Variants in LIG4 observed in about 807,000 individuals in gnomAD.
LIG4 encodes the protein DNA joinase.
LIG4 carries 13 observed loss-of-function variants against 19.0 expected under a neutral mutation model. The observed-to-expected ratio is 0.68, with a 90% confidence interval of 0.44 to 1.09. The LOEUF is 1.09. LIG4 is among the 50% of genes least tolerant of loss of function. LIG4 has a pLI of 0.00. For missense variants in LIG4, 1,026 were observed against 1,089.7 expected, an observed-to-expected ratio of 0.94 and a Z score of 0.82; for synonymous variants, 361 against 358.2, an observed-to-expected ratio of 1.01 and a Z score of -0.09.
At chr13:108,213,101 C>T (rs770785100) in intron 2 of LIG4, among the ~76,000 whole-genome samples, 5 of 151,926 alleles carry the variant, frequency 3.3e-5, no homozygotes, top group Admixed American at 6.5e-5. Context: ...TGGGTTAGAT[C>T]GAGGGATAAA....
At position 108,210,918 on chromosome 13, in the gene LIG4, T is replaced by G. The variant is rs1474493240; in HGVS notation, c.351A>C (p.Gly117=). The G allele has an allele frequency of 6.2e-7, 1 of 1,613,930 alleles. No homozygotes were observed. Among genetic ancestry groups the G allele is most frequent in the Non-Finnish European group, 8.5e-7 (1 of 1,179,978 alleles). ...CAAAGTCTCCAGCATCTCCATGAGT[T>G]CCAGTGGGTGTTCTGTAGTTTAAAA... ...LKLLNYRTPT[G]THGDAGDFAM... is the part of the protein sequence containing the mutation. Residue 117 remains glycine, a synonymous_variant, in exon 3 of 3, where the codon GGA becomes GGC. Coordinates refer to ENST00000442234, the MANE Select transcript of LIG4 (RefSeq NM_206937.2).
chr13:108,211,099 T>G lies in LIG4; in HGVS notation c.170A>C (p.His57Pro). 6.2e-7 allele frequency: 1 copy of G among 1,609,666 alleles called. No homozygotes were observed. Among genetic ancestry groups the G allele is most frequent in the Admixed American group, 1.7e-5 (1 of 59,668 alleles). The change falls in exon 3 of 3, where the codon CAC becomes CCC. Residue 57 changes from histidine (H) to proline (P), a missense_variant. Physicochemically the swap from His to Pro is moderately conservative, Grantham distance 77. Coordinates refer to ENST00000442234, the MANE Select transcript of LIG4 (RefSeq NM_206937.2). Reference protein sequence around the residue: ...RKFHDALHKNHKDVTDSFYPA... With the variant: ...RKFHDALHKNPKDVTDSFYPA... ...ATAAAAAGAGTCTGTGACATCTTTG[T>G]GGTTCTTATGAAGAGCATCATGAAA... is the stretch of plus-strand genomic sequence containing the variant.
chr13:108,211,295 A>T lies in LIG4; in HGVS notation c.-27T>A. ...AAAGCGGTGATGAATCTTCTCGTTT[A>T]ACTAGTAAAGCAAAAAGAGAATAAC... On this transcript the variant is annotated splice_region_variant and 5_prime_UTR_variant, in exon 3 of 3. Coordinates refer to ENST00000442234, the MANE Select transcript of LIG4 (RefSeq NM_206937.2). 6.6e-7 allele frequency: 1 copy of T among 1,520,930 alleles called. No individual in the cohort carries two copies. Among genetic ancestry groups the T allele is most frequent in the Non-Finnish European group, 9.1e-7 (1 of 1,098,822 alleles). 94.2% of individuals were successfully genotyped at this position (1,520,930 alleles called of 1,614,324 possible).
Position 108,211,265 on chromosome 13 carries a change from C to G in LIG4, c.4G>C (p.Ala2Pro), listed in dbSNP as rs1250121630. The change falls in exon 3 of 3, where the codon GCT (alanine) becomes CCT (proline). Residue 2 changes from alanine (A) to proline (P), a missense_variant. Around this residue, in one of 3 missense-constraint regions of LIG4, gnomAD observed 493 missense variants for 544.5 expected, o/e 0.91. Coordinates refer to ENST00000442234, the MANE Select transcript of LIG4 (RefSeq NM_206937.2). ...ACAGTTTGTGAAGTTTGTGAGGCAG[C>G]CATCAAAGCGGTGATGAATCTTCTC... M[A>P]ASQTSQTVAS... 1 of 1,610,236 alleles carries G rather than the reference C, an allele frequency of 6.2e-7. No homozygotes were observed. The highest frequency in any genetic ancestry group is 8.5e-7 in the Non-Finnish European group (1 of 1,178,394).
chr13:108,216,111 T>C (rs977421116), upstream of LIG4, among the ~76,000 whole-genome samples: 2 of 152,170 alleles, frequency 1.3e-5, no homozygotes, highest in African/African-American at 2.4e-5. Context: ...TATGGACTCT[T>C]CTAGTATCTG....
At chr13:108,216,909 G>GT (rs112966004), upstream of LIG4, among the ~76,000 whole-genome samples, 8 of 152,062 alleles carry the variant, frequency 5.3e-5, no homozygotes, top group African/African-American at 1.9e-4. Context: ...ACAATCAAGG[G>GT]TTTTTTTCAC....
rs1346302943 is a variant in LIG4, at chr13:108,209,929, C to G, written c.1340G>C (p.Trp447Ser). Residue 447 changes from tryptophan (W) to serine (S), a missense_variant, in exon 3 of 3, where the codon TGG (tryptophan) becomes TCG (serine). Trp to Ser is a radical substitution (Grantham distance 177). This residue lies in a region of LIG4 where 493 missense variants were observed against 544.5 expected (regional missense o/e 0.91). Transcript: ENST00000442234. The stretch of plus-strand genomic sequence containing the variant: ...GACATACTCTGGTTTAATTTTTAAC[C>G]ACCCTTCACCTCTTTTGTCTGGCTT... The part of the protein sequence containing the change: ...IYKPDKRGEG[W>S]LKIKPEYVSG... 2 of 1,613,912 alleles carry G rather than the reference C, an allele frequency of 1.2e-6. No individual in the cohort carries two copies. The highest frequency in any genetic ancestry group is 1.3e-5 in the African/African-American group (1 of 74,924).
Position 108,210,549 on chromosome 13 carries a change from G to A in LIG4, c.720C>T (p.Ile240=), listed in dbSNP as rs1418033761. 1 of 1,612,570 alleles carries A rather than the reference G, an allele frequency of 6.2e-7. No individual in the cohort carries two copies. Among genetic ancestry groups the A allele is most frequent in the Non-Finnish European group, 8.5e-7 (1 of 1,179,892 alleles). The change falls in exon 3 of 3, where the codon ATC becomes ATT. Residue 240 remains isoleucine (I), a synonymous_variant. Coordinates refer to ENST00000442234, the MANE Select transcript of LIG4 (RefSeq NM_206937.2). ...DPSVGLSDIS[I]TLFSAFKPML... Reference sequence around the variant, plus strand: ...TTGGTTTAAATGCAGAAAATAAAGTGATAGAAATATCACTGAGTCCTACAG... The same window carrying A: ...TTGGTTTAAATGCAGAAAATAAAGTAATAGAAATATCACTGAGTCCTACAG...
At position 108,208,656 on chromosome 13, in the gene LIG4, A is replaced by G. The variant is rs371586720; in HGVS notation, c.2613T>C (p.Arg871=). The change falls in exon 3 of 3, where the codon CGT becomes CGC. Residue 871 remains arginine, a synonymous_variant. Transcript: ENST00000442234. ...TTCTAAAAGCTTTAAAATCTGCAAC[A>G]CGACTATGATCTTCCCCAATTATTA... ...SHVIIGEDHS[R]VADFKAFRRT... 2.5e-6 allele frequency: 4 copies of G among 1,614,074 alleles called. No individual in the cohort carries two copies. The highest frequency in any genetic ancestry group is 3.4e-6 in the Non-Finnish European group (4 of 1,179,950).
intron 2 of LIG4, among the ~76,000 whole-genome samples, chr13:108,211,932 T>C (rs1474022189): frequency 6.6e-6 from 1 of 152,176 alleles, no homozygotes; most frequent in Non-Finnish European, 1.5e-5. Flanking sequence ...TCTTCACTGC[T>C]AGCTATGCCA....
rs1594452361 is a variant in LIG4 at position 108,208,403 on chromosome 13, A to G, written c.*130T>C. On this transcript the variant is annotated 3_prime_UTR_variant, in exon 3 of 3. Transcript: ENST00000442234. ...TAAAAGTTAAAATTATTGTTTTCCT[A>G]TATGTAATGATACTTTTTAGGCATA... The G allele has an allele frequency of 4.5e-6, 3 of 660,696 alleles. No individual in the cohort carries two copies. Among genetic ancestry groups the G allele is most frequent in the Admixed American group, 2.9e-5 (1 of 34,322 alleles). 40.9% of individuals were successfully genotyped at this position (660,696 alleles called of 1,614,324 possible). A position where few individuals can be genotyped will look rare whatever the true frequency, so the allele number is the denominator to read the frequency against.
chr13:108,211,502 A>T (rs1878665844), intron 2 of LIG4, among the ~76,000 whole-genome samples: 1 of 152,214 alleles, frequency 6.6e-6, no homozygotes, highest in South Asian at 2.1e-4. Context: ...AGTTATTATG[A>T]AAAGTATCAT....
rs1422872195 is a variant in LIG4, at chr13:108,209,207, A to G, written c.2062T>C (p.Tyr688His). 1 of 1,614,098 alleles carries G rather than the reference A, an allele frequency of 6.2e-7. No homozygotes were observed. The highest frequency in any genetic ancestry group is 8.5e-7 in the Non-Finnish European group (1 of 1,180,038). ...LENRIAEFGG[Y>H]IVQNPGPDTY... ...TCTGGGCCTGGATTTTGTACTATATAACCACCAAATTCTGCAATTCTGTTC... is the reference window on the plus strand; with the variant it reads ...TCTGGGCCTGGATTTTGTACTATATGACCACCAAATTCTGCAATTCTGTTC... Residue 688 changes from tyrosine (Y) to histidine (H), a missense_variant, in exon 3 of 3, where the codon TAT (tyrosine) becomes CAT (histidine). Tyr to His is a moderately conservative substitution (Grantham distance 83). Coordinates refer to ENST00000442234, the MANE Select transcript of LIG4 (RefSeq NM_206937.2).
Position 108,209,962 on chromosome 13 carries a change from G to C in LIG4, c.1307C>G (p.Ser436Cys), listed in dbSNP as rs1278085668. ...EEGIMVKQPL[S>C]IYKPDKRGEG... ...ACCTCTTTTGTCTGGCTTGTAGATG[G>C]ATAGAGGTTGTTTTACCATAATTCC... The change falls in exon 3 of 3, where the codon TCC (serine) becomes TGC (cysteine). Residue 436 changes from serine to cysteine, a missense_variant. This residue lies in a region of LIG4 where 493 missense variants were observed against 544.5 expected (regional missense o/e 0.91). Transcript: ENST00000442234. 6.2e-7 allele frequency: 1 copy of C among 1,613,408 alleles called. No individual in the cohort carries two copies.
In LIG4 at chr13:108,215,509, G is replaced by A. The variant is rs1262091983; in HGVS notation, c.-127C>T. 1 of 129,220 alleles carries A rather than the reference G, an allele frequency of 7.7e-6. No individual in the cohort carries two copies. The highest frequency in any genetic ancestry group is 1.7e-5 in the Non-Finnish European group (1 of 60,264). The allele number at this position is 129,220 out of a possible 1,614,324, so 8.0% of individuals were successfully genotyped here. A position where few individuals can be genotyped will look rare whatever the true frequency, so the allele number is the denominator to read the frequency against. ...CTGACGTCAAGCCTGAAGCTCAGCC[G>A]CTAAGCCGGAAGCTGGCGCCAGAAG... On this transcript the variant is annotated 5_prime_UTR_variant, in exon 1 of 3. Transcript: ENST00000442234.
Position 108,209,487 on chromosome 13 carries a change from C to A in LIG4, c.1782G>T (p.Met594Ile). Residue 594 changes from methionine to isoleucine, a missense_variant, in exon 3 of 3, where the codon ATG becomes ATT. Met to Ile is a conservative substitution (Grantham distance 10). This residue lies in a region of LIG4 where 521 missense variants were observed against 515.5 expected (regional missense o/e 1.01). Coordinates refer to ENST00000442234, the MANE Select transcript of LIG4 (RefSeq NM_206937.2). ...TAAGTTGTTCTAGGTCGTCCAGGGTCATGCACTCATGCCACTCCTTGTCAT... is the reference window on the plus strand; with the variant it reads ...TAAGTTGTTCTAGGTCGTCCAGGGTAATGCACTCATGCCACTCCTTGTCAT... ...IRDDKEWHEC[M>I]TLDDLEQLRG... The A allele has an allele frequency of 6.2e-7, 1 of 1,614,156 alleles. No homozygotes were observed. The highest frequency in any genetic ancestry group is 1.1e-5 in the South Asian group (1 of 91,064).
At chr13:108,211,394 T>C in intron 2 of LIG4, 98 bp from the exon 3 acceptor site, 1 of 735,746 alleles carries the variant, frequency 1.4e-6, no homozygotes, top group Non-Finnish European at 2.3e-6. Context: ...TCATAATAAA[T>C]GTTTATTAAT....
upstream of LIG4, among the ~76,000 whole-genome samples, chr13:108,215,907 A>T (rs36219968): frequency 6.6e-6 from 1 of 152,136 alleles, no homozygotes; most frequent in Non-Finnish European, 1.5e-5. Context: ...AGAGAACAGG[A>T]CATCCTCCCA....
chr13:108,217,742 G>A (rs751239797), upstream of LIG4, among the ~76,000 whole-genome samples: 49 of 151,868 alleles, frequency 3.2e-4, 1 homozygote, highest in Non-Finnish European at 6.6e-4. Context: ...AATATCCTCT[G>A]TATATATAAA....
Sources: allele counts gnomAD v4.1 joint callset (sites outside exome capture counted in the v4.1 genomes callset), GRCh38; gene constraint gnomAD v4.1.1; regional missense constraint gnomAD v4.1.1; transcripts MANE v1.5; gene names NCBI Gene and HGNC (gene_info 2026-07-23, HGNC 2026-07-21).